LRRC56: variants seen among roughly 807,000 people sequenced by gnomAD.
The protein encoded by LRRC56 is leucine rich repeat containing 56, also known as leucine-rich repeat-containing protein 56.
A neutral mutation model predicts 47.8 loss-of-function variants in LRRC56; 41 were observed. The ratio of observed to expected loss-of-function variants is 0.86; its 90% CI spans 0.67 to 1.11. The LOEUF (loss-of-function observed/expected upper bound fraction) is 1.11, where lower values mean the gene tolerates loss of function less well. Ranked by LOEUF, LRRC56 falls within the 50% of genes most tolerant of loss-of-function variation. LRRC56 has a pLI of 0.00. For missense variants in LRRC56, 759 were observed against 704.2 expected (o/e 1.08, Z -0.88); for synonymous variants, 387 against 311.2 (o/e 1.24, Z -2.56).
At chr11:524,478 A>G in the LRRC56 span, among the ~76,000 whole-genome samples, 2 of 152,040 alleles carry the variant, frequency 1.3e-5, no homozygotes. Flanking sequence ...CTAAAAATAC[A>G]AAATTAGTCA....
rs2134082352 is a variant in LRRC56 at position 554,294 on chromosome 11, G to A, written c.*18G>A. 1.4e-6 allele frequency: 2 copies of A among 1,474,996 alleles called. No individual in the cohort carries two copies. Among genetic ancestry groups the A allele is most frequent in the Non-Finnish European group, 1.8e-6 (2 of 1,116,850 alleles). The allele number at this position is 1,474,996 out of a possible 1,614,324, so 91.4% of individuals were successfully genotyped here. On this transcript the variant is annotated 3_prime_UTR_variant, in exon 14 of 14. Coordinates refer to ENST00000270115, the MANE Select transcript of LRRC56 (RefSeq NM_198075.4). Reference sequence around the variant, plus strand: ...CCACTTAATATAGCCCCCACTGCCAGGCTTCCCTGTGCTGGGGCCACGACT... The same window carrying A: ...CCACTTAATATAGCCCCCACTGCCAAGCTTCCCTGTGCTGGGGCCACGACT...
chr11:533,733 C>T (rs751844306), upstream of LRRC56: 2 of 1,612,278 alleles, frequency 1.2e-6, no homozygotes, highest in Non-Finnish European at 1.7e-6. Context: ...ACCTGTGCGG[C>T]GTGGGCTCCC....
At chr11:533,160 C>T, upstream of LRRC56, 1 of 936,290 alleles carries the variant, frequency 1.1e-6, no homozygotes, top group Non-Finnish European at 1.6e-6. Context: ...TGGCTCAGGG[C>T]AGCTCTCCCC....
chr11:534,546 G>A (rs1055380396), upstream of LRRC56: 25 of 594,872 alleles, frequency 4.2e-5, no homozygotes, highest in Non-Finnish European at 6.9e-5. Flanking sequence ...GCGTGCGGGA[G>A]GGCTGTCGCC....
chr11:512,346 G>T, the LRRC56 span, among the ~76,000 whole-genome samples: 3 of 152,050 alleles, frequency 2.0e-5, no homozygotes, highest in Non-Finnish European at 4.4e-5. Flanking sequence ...GCAGTTCTCC[G>T]CCTCGGCCTC....
rs143077625 is a variant in LRRC56 at position 541,114 on chromosome 11, A to G, written c.177+253A>G. Among the ~76,000 whole-genome samples the G allele has an allele frequency of 1.3e-3, 196 of 152,298 alleles. No homozygotes were observed. The highest frequency in any genetic ancestry group is 4.6e-3 in the African/African-American group (190 of 41,566). ...AGACGTCCCCAGGCATTTGGGTCAC[A>G]GACAGGACTGAGCCAGGCCAGAACC... On this transcript the variant is annotated intron_variant, in intron 4 of 13. Transcript: ENST00000270115. This position sits in a 1 kb window ranked among gnomAD's most constrained non-coding sequence, Gnocchi z 4.1.
At chr11:530,081 A>G in the LRRC56 span, among the ~76,000 whole-genome samples, 1 of 152,144 alleles carries the variant, frequency 6.6e-6, no homozygotes, top group Non-Finnish European at 1.5e-5. Context: ...GAAGCCACCC[A>G]GGGACCTGGA....
At chr11:542,366 C>T (rs931023730) in intron 5 of LRRC56, among the ~76,000 whole-genome samples, 5 of 152,168 alleles carry the variant, frequency 3.3e-5, no homozygotes, top group Admixed American at 6.5e-5. Flanking sequence ...ATCCCAGCAC[C>T]GTGGGAGTCC....
the LRRC56 span, among the ~76,000 whole-genome samples, chr11:521,257 A>T: frequency 6.6e-6 from 1 of 152,186 alleles, no homozygotes; most frequent in Non-Finnish European, 1.5e-5. Flanking sequence ...GTAACTCACC[A>T]TGGGTCTAGC....
chr11:541,486 C>A lies in LRRC56; in HGVS notation c.178-51C>A. 1 of 1,119,406 alleles carries A rather than the reference C, an allele frequency of 8.9e-7. No homozygotes were observed. The highest frequency in any genetic ancestry group is 2.7e-5 in the East Asian group (1 of 36,672). The allele number at this position is 1,119,406 out of a possible 1,614,324, so 69.3% of individuals were successfully genotyped here. ...CCTGTAGCCAGAAGCAAGGATGGAA[C>A]TAAAGTGGGGAGAGCCAGGACCAGC... On this transcript the variant is annotated intron_variant, in intron 4 of 13. Coordinates refer to ENST00000270115, the MANE Select transcript of LRRC56 (RefSeq NM_198075.4). This position sits in a 1 kb window ranked among gnomAD's most constrained non-coding sequence, Gnocchi z 4.1.
Position 550,150 on chromosome 11 carries a change from G to C in LRRC56, c.502G>C (p.Glu168Gln). The change falls in exon 8 of 14, where the codon GAG (glutamate) becomes CAG (glutamine). Residue 168 changes from glutamate to glutamine, a missense_variant. Transcript: ENST00000270115. ...LLEQLEVLDL[E>Q]GNSVEDLGQV... ...GGAACAATTGGAGGTGCTGGACCTG[G>C]AGGGCAACAGCGTGGAGGACCTGGG... is the stretch of plus-strand genomic sequence containing the variant. 6.2e-7 allele frequency: 1 copy of C among 1,613,526 alleles called. No homozygotes were observed. The highest frequency in any genetic ancestry group is 8.5e-7 in the Non-Finnish European group (1 of 1,179,922).
intron 13 of LRRC56, 147 bp downstream of exon 13, chr11:552,849 C>G: frequency 1.4e-6 from 1 of 733,640 alleles, no homozygotes; most frequent in South Asian, 2.0e-5. Context: ...GGGAGGCCCC[C>G]TTCTGGGGGT....
rs1268007369 is a variant in LRRC56 at position 540,702 on chromosome 11, C to T, written c.18C>T (p.Asp6=). Residue 6 remains aspartate, a synonymous_variant, in exon 4 of 14, where the codon GAC becomes GAT. Coordinates refer to ENST00000270115, the MANE Select transcript of LRRC56 (RefSeq NM_198075.4). ...ACATGTGAATGGATCTGGGCTGGGA[C>T]AGATCCCGTGGGCCTCGGCGGAGCA... is the stretch of plus-strand genomic sequence containing the variant. The part of the protein sequence containing the change: MDLGW[D]RSRGPRRSTS... 1 of 1,612,808 alleles carries T rather than the reference C, an allele frequency of 6.2e-7. No individual in the cohort carries two copies. Among genetic ancestry groups the T allele is most frequent in the East Asian group, 2.2e-5 (1 of 44,876 alleles).
chr11:540,939 C>T (rs1851765582), intron 4 of LRRC56, 78 bp downstream of exon 4: 1 of 1,204,668 alleles, frequency 8.3e-7, no homozygotes. Context: ...TGCTGATGGT[C>T]CAGCCTGCCC....
At chr11:515,342 C>T in the LRRC56 span, among the ~76,000 whole-genome samples, 1 of 152,200 alleles carries the variant, frequency 6.6e-6, no homozygotes, top group Admixed American at 6.5e-5. Flanking sequence ...TTGCTAATGC[C>T]TCTGCCAGCC....
At chr11:508,001 C>G in the LRRC56 span, among the ~76,000 whole-genome samples, 20 of 152,254 alleles carry the variant, frequency 1.3e-4, no homozygotes, top group African/African-American at 4.8e-4. Context: ...GCCTGGGAAA[C>G]GCAAAGCGAC....
At chr11:537,249 G>C (rs754051365), upstream of LRRC56, 1 of 152,252 alleles carries the variant, frequency 6.6e-6, no homozygotes, top group Non-Finnish European at 1.5e-5. Flanking sequence ...CGACGGCCCA[G>C]GCACGGAGCC....
At chr11:534,194 C>G (rs759743352), upstream of LRRC56, 1 of 1,583,014 alleles carries the variant, frequency 6.3e-7, no homozygotes, top group East Asian at 2.2e-5. Context: ...GGCACCTGGA[C>G]GGCGGCGCCA....
the LRRC56 span, among the ~76,000 whole-genome samples, chr11:507,656 C>T: frequency 6.6e-6 from 1 of 152,214 alleles, no homozygotes; most frequent in African/African-American, 2.4e-5. Context: ...CCGGAGAAAG[C>T]GGCCGCCTCG....
Sources: gnomAD v4.1 joint callset for allele counts (sites outside exome capture counted in the v4.1 genomes callset) on GRCh38, gnomAD v4.1.1 for gene constraint, Gnocchi (gnomAD v3.1) non-coding constraint, MANE v1.5 for transcripts, NCBI Gene and HGNC (gene_info 2026-07-23, HGNC 2026-07-21) for gene names.